The following KNTC1 variants were observed in gnomAD, a reference collection of about 807,000 sequenced individuals.
The protein encoded by KNTC1 is kinetochore associated 1, also known as kinetochore-associated protein 1.
KNTC1 carries 253 observed loss-of-function variants against 314.4 expected under a neutral mutation model. That is an observed-to-expected ratio of 0.80 (90% CI 0.73 to 0.89). KNTC1 has a LOEUF of 0.89. Among genes scored for constraint, KNTC1 ranks in the 40% least tolerant of loss-of-function variants. The pLI is 0.00. For synonymous variants in KNTC1, 901 were observed against 901.4 expected (o/e 1.00, Z 0.01); for missense variants, 2,475 against 2,572.9 (o/e 0.96, Z 0.82).
chr12:122,570,458 C>G (rs1964611096), intron 22 of KNTC1, among the ~76,000 whole-genome samples: 1 of 150,334 alleles, frequency 6.7e-6, no homozygotes, highest in African/African-American at 2.5e-5. Flanking sequence ...TGCAGTGAAC[C>G]GAGATCGTGC....
chr12:122,615,057 CT>C lies in KNTC1; in HGVS notation c.5945del (p.Leu1982ProfsTer10). The stretch of plus-strand genomic sequence containing the variant: ...CTATGACCTGCAGCTTTGGAATGGA[CT>C]CTTGCAAAAGCTTCTGGGCTTCAAT... ...KIYDLQLWNGLLQKLLGFNMI... is the reference protein window; with the variant it reads ...KIYDLQLWNGXLQKLLGFNMI... On this transcript the variant is annotated frameshift_variant, in exon 56 of 64. Coordinates refer to ENST00000333479, the MANE Select transcript of KNTC1 (RefSeq NM_014708.6). LOFTEE classifies it high-confidence loss of function. 3 of 1,613,102 alleles carry C rather than the reference CT, an allele frequency of 1.9e-6. No individual in the cohort carries two copies. Among genetic ancestry groups the C allele is most frequent in the Non-Finnish European group, 2.5e-6 (3 of 1,179,400 alleles).
rs902371970 is a variant in KNTC1, at chr12:122,567,064, AG to A, written c.1605-1196del. 1.8e-4 allele frequency among the ~76,000 whole-genome samples: 27 copies of A among 151,198 alleles called. 1 individual carries two copies. On this transcript the variant is annotated intron_variant, in intron 20 of 63. Transcript: ENST00000333479. ...TCTTTTCTAAAGGATGTGGCGAGCT[AG>A]TGATTAAAAAAAACTTTTTTTTTTA... is the stretch of plus-strand genomic sequence containing the variant.
intron 18 of KNTC1, 38 bp from the exon 19 acceptor site, chr12:122,561,883 A>G (rs370561211): frequency 3.5e-5 from 52 of 1,469,874 alleles, no homozygotes; most frequent in South Asian, 1.8e-4. Context: ...TAAACAGTAG[A>G]TATTCTTCTA....
At chr12:122,579,190 A>G (rs1004540113) in intron 31 of KNTC1, among the ~76,000 whole-genome samples, 1 of 146,800 alleles carries the variant, frequency 6.8e-6, no homozygotes, top group Non-Finnish European at 1.5e-5. Flanking sequence ...TCAGCCTCCC[A>G]AGTAGCTGGG....
intron 2 of KNTC1, among the ~76,000 whole-genome samples, chr12:122,534,105 A>C (rs1961596772): frequency 6.6e-6 from 1 of 152,180 alleles, no homozygotes; most frequent in South Asian, 2.1e-4. Flanking sequence ...TGGCTTGTCT[A>C]CTGTTTTTAA....
At chr12:122,616,789 T>A (rs1488086519) in intron 57 of KNTC1, among the ~76,000 whole-genome samples, 1 of 152,150 alleles carries the variant, frequency 6.6e-6, no homozygotes, top group African/African-American at 2.4e-5. Context: ...ATGAAGTAGT[T>A]TTTGGTATAT....
intron 45 of KNTC1, chr12:122,602,346 G>A (rs1593660675): frequency 2.7e-6 from 1 of 373,210 alleles, no homozygotes. Context: ...ACCAACAACA[G>A]GGCACCAGTG....
At chr12:122,540,988 TAG>T (rs1446927539) in intron 5 of KNTC1, among the ~76,000 whole-genome samples, 2 of 151,970 alleles carry the variant, frequency 1.3e-5, no homozygotes, top group Non-Finnish European at 2.9e-5. Context: ...CTGGATAATA[TAG>T]AGAGACCGCC....
intron 24 of KNTC1, 60 bp downstream of exon 24, chr12:122,571,186 C>A: frequency 7.9e-7 from 1 of 1,270,870 alleles, no homozygotes; most frequent in South Asian, 1.2e-5. Flanking sequence ...AAGGGTTTGT[C>A]TGCATGTATG....
intron 6 of KNTC1, among the ~76,000 whole-genome samples, chr12:122,543,045 T>C: frequency 6.6e-6 from 1 of 152,070 alleles, no homozygotes. Flanking sequence ...CCCAAGTAAC[T>C]GGGATTACAG....
intron 57 of KNTC1, 145 bp from the exon 58 acceptor site, chr12:122,618,198 C>T (rs1389668999): frequency 1.5e-6 from 1 of 684,338 alleles, no homozygotes; most frequent in African/African-American, 1.8e-5. Flanking sequence ...TTTCGAACTC[C>T]TGACCTCAAG....
chr12:122,542,013 C>CA (rs756883295), intron 5 of KNTC1, 37 bp from the exon 6 acceptor site: 55 of 1,481,448 alleles, frequency 3.7e-5, no homozygotes, highest in East Asian at 1.3e-4. Context: ...GACTCCATCT[C>CA]AAAAAAAAGA....
chr12:122,541,287 G>GCCTGCCTGCCTTCCTTCCTTCCTT (rs758235054), intron 5 of KNTC1, among the ~76,000 whole-genome samples: 21 of 120,982 alleles, frequency 1.7e-4, no homozygotes, highest in African/African-American at 5.0e-4. Context: ...CTGCCTGCCT[G>GCCTGCCTGCCTTCCTTCCTTCCTT]CCTTCCTTCC....
At chr12:122,528,417 T>C (rs1273268949) in intron 1 of KNTC1, among the ~76,000 whole-genome samples, 8 of 152,226 alleles carry the variant, frequency 5.3e-5, no homozygotes, top group African/African-American at 9.6e-5. Flanking sequence ...TAAAATTGAA[T>C]GTTTGCCATC....
At chr12:122,598,813 C>CTT (rs879566345) in intron 44 of KNTC1, among the ~76,000 whole-genome samples, 2 of 142,112 alleles carry the variant, frequency 1.4e-5, no homozygotes. Context: ...GACATTTAAA[C>CTT]TTTTTTTTTT....
chr12:122,619,677 G>A (rs1168775738), intron 59 of KNTC1, among the ~76,000 whole-genome samples: 3 of 152,128 alleles, frequency 2.0e-5, no homozygotes, highest in African/African-American at 4.8e-5. Context: ...CTCCCAAAGT[G>A]CTGGGATTAC....
intron 51 of KNTC1, among the ~76,000 whole-genome samples, chr12:122,608,994 G>T (rs7979860): frequency 0.32 from 48,831 of 152,032 alleles, 9,133 homozygotes; most frequent in African/African-American, 0.52. Flanking sequence ...AGGAGGTTGA[G>T]GCTGCACTGA....
chr12:122,624,978 G>A (rs1426320075), intron 63 of KNTC1, among the ~76,000 whole-genome samples: 2 of 152,108 alleles, frequency 1.3e-5, no homozygotes, highest in Non-Finnish European at 2.9e-5. Context: ...CTCATAAGGT[G>A]GTGTTTTTAA....
chr12:122,583,675 T>C (rs1000317717), intron 34 of KNTC1, among the ~76,000 whole-genome samples: 1 of 151,754 alleles, frequency 6.6e-6, no homozygotes, highest in African/African-American at 2.4e-5. Flanking sequence ...AAAATACAAC[T>C]GTTAGTCGGG....
Sources: gnomAD v4.1 joint callset for allele counts (sites outside exome capture counted in the v4.1 genomes callset) on GRCh38, gnomAD v4.1.1 for gene constraint, MANE v1.5 for transcripts, NCBI Gene and HGNC (gene_info 2026-07-23, HGNC 2026-07-21) for gene names.